Variants in HTR7 observed in about 807,000 individuals in gnomAD.
HTR7 encodes 5-hydroxytryptamine receptor 7.
In HTR7, 16 loss-of-function variants were observed where a neutral mutation model predicts 34.0. The observed-to-expected ratio is 0.47, with a 90% confidence interval of 0.32 to 0.71. The LOEUF (loss-of-function observed/expected upper bound fraction) is 0.71, where lower values mean the gene tolerates loss of function less well. Ranked by LOEUF, HTR7 falls within the 30% of genes least tolerant of loss-of-function variation. The pLI is 0.04. For synonymous variants in HTR7, 265 were observed against 260.2 expected, an observed-to-expected ratio of 1.02 and a Z score of -0.18; for missense variants, 504 against 625.5, an observed-to-expected ratio of 0.81 and a Z score of 2.07.
At chr10:90,794,291 C>G (rs188957706) in intron 1 of HTR7, among the ~76,000 whole-genome samples, 2 of 152,092 alleles carry the variant, frequency 1.3e-5, no homozygotes, top group African/African-American at 2.4e-5. Context: ...TCATCTCTTG[C>G]GATAAAAAAT....
At position 90,857,203 on chromosome 10, in the gene HTR7, C is replaced by T; in HGVS notation, c.469G>A (p.Val157Ile). ...CACATGACGTCCATGGCGATGAAGA[C>T]ATTACAGAAAAAGTGTCCAAAGATC... is the stretch of plus-strand genomic sequence containing the variant. ...KWIFGHFFCN[V>I]FIAMDVMCCT... The change falls in exon 1 of 4, where the codon GTC (valine) becomes ATC (isoleucine). Residue 157 changes from valine (V) to isoleucine (I), a missense_variant. Physicochemically the swap from Val to Ile is conservative, Grantham distance 29. Coordinates refer to ENST00000336152, the MANE Select transcript of HTR7 (RefSeq NM_019859.4). The surrounding 1 kb of genome is among the most constrained non-coding windows in gnomAD (Gnocchi z 6.5). 6.2e-7 allele frequency: 1 copy of T among 1,614,040 alleles called. No homozygotes were observed. The highest frequency in any genetic ancestry group is 8.5e-7 in the Non-Finnish European group (1 of 1,179,998).
At chr10:90,852,648 G>A (rs1295780856) in intron 1 of HTR7, among the ~76,000 whole-genome samples, 2 of 152,022 alleles carry the variant, frequency 1.3e-5, no homozygotes, top group Admixed American at 6.6e-5. Context: ...TTTATACAAC[G>A]GAATACTACT....
intron 2 of HTR7, among the ~76,000 whole-genome samples, chr10:90,747,850 G>A (rs1844664452): frequency 6.6e-6 from 1 of 152,100 alleles, no homozygotes; most frequent in South Asian, 2.1e-4. Flanking sequence ...TTTTTCCCCT[G>A]ACTTTCAAAC....
chr10:90,742,410 G>T lies in HTR7; in HGVS notation c.*72C>A. ...GACAGAAGCTGCATTCCATTCTGCA[G>T]ACTCAGCAAATGACTTCCTTCTGTT... On this transcript the variant is annotated 3_prime_UTR_variant, in exon 4 of 4. Transcript: ENST00000336152. 8.6e-7 allele frequency: 1 copy of T among 1,168,494 alleles called. No individual in the cohort carries two copies. Among genetic ancestry groups the T allele is most frequent in the South Asian group, 1.3e-5 (1 of 77,528 alleles). The allele number at this position is 1,168,494 out of a possible 1,614,324, so 72.4% of individuals were successfully genotyped here.
chr10:90,743,632 A>C lies in HTR7; in HGVS notation c.1354T>G (p.Trp452Gly), dbSNP rs1366801068. Residue 452 changes from tryptophan (W) to glycine (G), a missense_variant, in exon 3 of 4, where the codon TGG becomes GGG. Around this residue, in one of 4 missense-constraint regions of HTR7, gnomAD observed 154 missense variants for 212.1 expected, o/e 0.73. Transcript: ENST00000336152. ...TGATGGTCTGGAGATTGTAGCACCC[A>C]CACAGATACCGGTGGCCTCTTTTCT... ...RPEKRPPVSV[W>G]VLQSPDHHNW... 8.7e-6 allele frequency: 14 copies of C among 1,613,880 alleles called. No individual in the cohort carries two copies. The highest frequency in any genetic ancestry group is 1.2e-5 in the Non-Finnish European group (14 of 1,179,884).
chr10:90,774,104 G>C (rs1306717554), intron 1 of HTR7, among the ~76,000 whole-genome samples: 1 of 151,810 alleles, frequency 6.6e-6, no homozygotes. Context: ...AAACATAATG[G>C]CTCACTGAAT....
At chr10:90,829,654 C>A (rs1846134387) in intron 1 of HTR7, among the ~76,000 whole-genome samples, 2 of 152,120 alleles carry the variant, frequency 1.3e-5, no homozygotes, top group Admixed American at 1.3e-4. Context: ...ATATAAGAGG[C>A]ATTCAAATTG....
rs1290107915 is a variant in HTR7 at position 90,741,422 on chromosome 10, A to G, written c.*1060T>C. Reference sequence around the variant, plus strand: ...TAGGCACACATTTGATTTAAGATACATAGAACACAAAAACAAATTCTCTAG... The same window carrying G: ...TAGGCACACATTTGATTTAAGATACGTAGAACACAAAAACAAATTCTCTAG... On this transcript the variant is annotated 3_prime_UTR_variant, in exon 4 of 4. Transcript: ENST00000336152. 3 of 152,314 alleles carry G rather than the reference A, an allele frequency of 2.0e-5. No individual in the cohort carries two copies. The highest frequency in any genetic ancestry group is 7.2e-5 in the African/African-American group (3 of 41,460). 9.4% of individuals were successfully genotyped at this position (152,314 alleles called of 1,614,324 possible). A position where few individuals can be genotyped will look rare whatever the true frequency, so the allele number is the denominator to read the frequency against.
intron 1 of HTR7, among the ~76,000 whole-genome samples, chr10:90,789,488 G>A (rs74438784): frequency 3.9e-5 from 6 of 152,182 alleles, no homozygotes; most frequent in Non-Finnish European, 7.3e-5. Flanking sequence ...TGAAAAGAAG[G>A]TGGAAAGGTT....
chr10:90,793,536 C>CA (rs34846867), intron 1 of HTR7, among the ~76,000 whole-genome samples: 62,708 of 132,650 alleles, frequency 0.47, 15,113 homozygotes, highest in African/African-American at 0.67. Flanking sequence ...TAAGAAAGCT[C>CA]AAAAAAAAAA....
intron 1 of HTR7, among the ~76,000 whole-genome samples, chr10:90,850,305 A>G (rs1203897872): frequency 6.6e-6 from 1 of 152,256 alleles, no homozygotes; most frequent in Non-Finnish European, 1.5e-5. Context: ...TAAGAAGGCT[A>G]CATCCTAGAA....
intron 1 of HTR7, among the ~76,000 whole-genome samples, chr10:90,824,845 T>A (rs908754965): frequency 6.6e-6 from 1 of 152,190 alleles, no homozygotes; most frequent in Non-Finnish European, 1.5e-5. Context: ...AGCACAGATT[T>A]CTTTGGTTTC....
intron 1 of HTR7, among the ~76,000 whole-genome samples, chr10:90,842,717 GA>G (rs77219212): frequency 7.8e-4 from 111 of 142,508 alleles, no homozygotes; most frequent in Middle Eastern, 3.6e-3. Flanking sequence ...TTTATTTAGT[GA>G]AAAAAAAAAA....
chr10:90,831,695 C>T (rs1294122675), intron 1 of HTR7, among the ~76,000 whole-genome samples: 7 of 152,124 alleles, frequency 4.6e-5, no homozygotes, highest in African/African-American at 9.7e-5. Flanking sequence ...TTGATTGGTC[C>T]GTTTTGACAG....
rs112672700 is a variant in HTR7, at chr10:90,789,573, A to G, written c.540-39979T>C. On this transcript the variant is annotated intron_variant, in intron 1 of 3. Coordinates refer to ENST00000336152, the MANE Select transcript of HTR7 (RefSeq NM_019859.4). ...CTGTTTCTTTAAATGCTGTTAGCAA[A>G]TGTACTGCTGAAGGTTAACAGACAA... Among the ~76,000 whole-genome samples the G allele has an allele frequency of 6.1e-3, 930 of 152,318 alleles. 4 individuals are homozygous for G. Among genetic ancestry groups the G allele is most frequent in the Middle Eastern group, 0.017 (5 of 294 alleles).
At chr10:90,776,299 T>A (rs545307393) in intron 1 of HTR7, among the ~76,000 whole-genome samples, 1 of 152,372 alleles carries the variant, frequency 6.6e-6, no homozygotes, top group East Asian at 1.9e-4. Context: ...ATATCCAATA[T>A]CACTCAGGTC....
intron 1 of HTR7, among the ~76,000 whole-genome samples, chr10:90,805,644 A>G (rs1414936192): frequency 2.6e-5 from 4 of 152,228 alleles, no homozygotes; most frequent in Admixed American, 2.6e-4. Context: ...GAAACAGGTA[A>G]TAAAGAGATT....
chr10:90,768,378 C>T (rs777499041), intron 1 of HTR7, among the ~76,000 whole-genome samples: 2 of 152,204 alleles, frequency 1.3e-5, no homozygotes, highest in African/African-American at 4.8e-5. Flanking sequence ...CATTTTCACA[C>T]ACTTCGAAGA....
chr10:90,791,147 C>T (rs946149245), intron 1 of HTR7, among the ~76,000 whole-genome samples: 6 of 151,718 alleles, frequency 4.0e-5, no homozygotes, highest in African/African-American at 7.3e-5. Context: ...TTACCATGGG[C>T]CAGTAACTGT....
Sources: allele counts gnomAD v4.1 joint callset (sites outside exome capture counted in the v4.1 genomes callset), GRCh38; gene constraint gnomAD v4.1.1; regional missense constraint gnomAD v4.1.1; non-coding constraint Gnocchi (gnomAD v3.1); transcripts MANE v1.5; gene names NCBI Gene and HGNC (gene_info 2026-07-23, HGNC 2026-07-21).